LSAMP: variants seen among roughly 807,000 people sequenced by gnomAD.
The protein encoded by LSAMP is limbic system-associated membrane protein.
Under a neutral mutation model 38.6 loss-of-function variants are expected in LSAMP, and 7 were observed. The ratio of observed to expected loss-of-function variants is 0.18; its 90% CI spans 0.10 to 0.34. The LOEUF (loss-of-function observed/expected upper bound fraction) is 0.34. Ranked by LOEUF, LSAMP falls within the 10% of genes least tolerant of loss-of-function variation. The pLI, the probability that LSAMP is intolerant of heterozygous loss-of-function variation, is 1.00. For missense variants in LSAMP, 313 were observed against 420.0 expected, an observed-to-expected ratio of 0.75 and a Z score of 2.23; for synonymous variants, 154 against 166.8, an observed-to-expected ratio of 0.92 and a Z score of 0.59.
At chr3:115,955,561 A>G (rs1938428663) in intron 3 of LSAMP, among the ~76,000 whole-genome samples, 2 of 152,298 alleles carry the variant, frequency 1.3e-5, no homozygotes, top group African/African-American at 4.8e-5. Context: ...GGAACTTATA[A>G]CTGGATGTAG....
chr3:115,923,508 G>C (rs953688119), intron 3 of LSAMP, among the ~76,000 whole-genome samples: 1 of 152,082 alleles, frequency 6.6e-6, no homozygotes, highest in African/African-American at 2.4e-5. Context: ...ACAAGGACTG[G>C]TACTTCCTAT....
intron 1 of LSAMP, among the ~76,000 whole-genome samples, chr3:116,417,776 T>C (rs1179282091): frequency 1.3e-5 from 2 of 152,166 alleles, no homozygotes; most frequent in African/African-American, 4.8e-5. Context: ...AAATAAATGA[T>C]GACAAGAGGA....
At chr3:116,018,075 A>G (rs1350725995) in intron 3 of LSAMP, among the ~76,000 whole-genome samples, 1 of 152,040 alleles carries the variant, frequency 6.6e-6, no homozygotes, top group African/African-American at 2.4e-5. Flanking sequence ...TTTTTTCCAC[A>G]TGAGGTATAA....
At chr3:116,436,134 G>C (rs2049347085) in intron 1 of LSAMP, among the ~76,000 whole-genome samples, 1 of 152,144 alleles carries the variant, frequency 6.6e-6, no homozygotes, top group African/African-American at 2.4e-5. Context: ...TTCAGCAAAT[G>C]GTCCTGGGAT....
At chr3:116,357,734 C>T (rs1254102026) in intron 1 of LSAMP, among the ~76,000 whole-genome samples, 1 of 151,936 alleles carries the variant, frequency 6.6e-6, no homozygotes, top group Non-Finnish European at 1.5e-5. Context: ...AACCATTGAG[C>T]CCAATTATCT....
chr3:115,957,658 G>A (rs1051707247), intron 3 of LSAMP, among the ~76,000 whole-genome samples: 2 of 152,116 alleles, frequency 1.3e-5, no homozygotes, highest in Non-Finnish European at 2.9e-5. Context: ...TCAAATGCCC[G>A]CATGGTATAA....
At position 116,252,691 on chromosome 3, in the gene LSAMP, T is replaced by C. The variant is rs2046699985; in HGVS notation, c.156-166135A>G. 2.0e-5 allele frequency among the ~76,000 whole-genome samples: 3 copies of C among 152,192 alleles called. No homozygotes were observed. In the South Asian group the frequency reaches 6.2e-4, roughly 31 times the overall value. On this transcript the variant is annotated intron_variant, in intron 1 of 6. Coordinates refer to ENST00000490035, the MANE Select transcript of LSAMP (RefSeq NM_002338.5). The stretch of plus-strand genomic sequence containing the variant: ...AGTAAATATTTCAGCATTATGAACG[T>C]GAATAACTTGAGGAAAACCTTAATG...
chr3:116,178,390 A>G (rs968280682), intron 1 of LSAMP, among the ~76,000 whole-genome samples: 1 of 151,972 alleles, frequency 6.6e-6, no homozygotes, highest in Admixed American at 6.6e-5. Context: ...CTGGTCTCGA[A>G]CTCCTGACCT....
intron 1 of LSAMP, among the ~76,000 whole-genome samples, chr3:116,317,724 T>C (rs1422431014): frequency 6.6e-6 from 1 of 152,176 alleles, no homozygotes; most frequent in Non-Finnish European, 1.5e-5. Context: ...TAGTTCATGA[T>C]TTTTGTTTTT....
chr3:116,209,872 C>T (rs1286711684), intron 1 of LSAMP, among the ~76,000 whole-genome samples: 1 of 152,124 alleles, frequency 6.6e-6, no homozygotes, highest in Non-Finnish European at 1.5e-5. Flanking sequence ...CTGCCTTAGC[C>T]TCCGAGTAGC....
chr3:115,886,154 A>G (rs1037756234), intron 3 of LSAMP, among the ~76,000 whole-genome samples: 1 of 151,918 alleles, frequency 6.6e-6, no homozygotes, highest in African/African-American at 2.4e-5. Context: ...AATCCATATC[A>G]GTGAGGAGGC....
chr3:116,315,722 C>A (rs933486528), intron 1 of LSAMP, among the ~76,000 whole-genome samples: 1 of 152,160 alleles, frequency 6.6e-6, no homozygotes, highest in Admixed American at 6.5e-5. Flanking sequence ...AGCTATCTAC[C>A]TATCTCCTCA....
intron 1 of LSAMP, among the ~76,000 whole-genome samples, chr3:116,174,233 G>C (rs897397969): frequency 4.0e-4 from 60 of 151,880 alleles, no homozygotes; most frequent in African/African-American, 1.4e-3. Context: ...TATGACTATT[G>C]ATAATGACAC....
At chr3:116,021,933 G>T (rs1223123317) in intron 2 of LSAMP, among the ~76,000 whole-genome samples, 7 of 151,884 alleles carry the variant, frequency 4.6e-5, no homozygotes, top group Admixed American at 4.6e-4. Context: ...ATAAAATCTA[G>T]AATAATTGAC....
intron 2 of LSAMP, among the ~76,000 whole-genome samples, chr3:116,021,308 T>C (rs965009702): frequency 1.3e-5 from 2 of 152,118 alleles, no homozygotes; most frequent in African/African-American, 2.4e-5. Context: ...AAAGATCATA[T>C]ACATTTTACA....
At chr3:116,023,043 T>C (rs1049935692) in intron 2 of LSAMP, among the ~76,000 whole-genome samples, 1 of 152,172 alleles carries the variant, frequency 6.6e-6, no homozygotes, top group African/African-American at 2.4e-5. Flanking sequence ...CATGTTCTGT[T>C]GTTTATGTCA....
chr3:116,382,162 C>T (rs1486039506), intron 1 of LSAMP, among the ~76,000 whole-genome samples: 1 of 152,018 alleles, frequency 6.6e-6, no homozygotes, highest in African/African-American at 2.4e-5. Flanking sequence ...TGGGTATATA[C>T]CCAAAGGATT....
chr3:116,353,285 T>C (rs2048166679), intron 1 of LSAMP, among the ~76,000 whole-genome samples: 1 of 152,142 alleles, frequency 6.6e-6, no homozygotes, highest in Non-Finnish European at 1.5e-5. Context: ...ATAAATTTTA[T>C]TCGTCTACTC....
chr3:116,217,393 T>A (rs925859212), intron 1 of LSAMP, among the ~76,000 whole-genome samples: 2 of 152,236 alleles, frequency 1.3e-5, no homozygotes, highest in East Asian at 3.8e-4. Flanking sequence ...CTAGCTTTTC[T>A]AACAATGGCT....
Sources: gnomAD v4.1 joint callset for allele counts (sites outside exome capture counted in the v4.1 genomes callset) on GRCh38, gnomAD v4.1.1 for gene constraint, MANE v1.5 for transcripts, NCBI Gene and HGNC (gene_info 2026-07-23, HGNC 2026-07-21) for gene names.